BICRAL: variants seen among roughly 807,000 people sequenced by gnomAD.
The protein encoded by BICRAL is BRD4-interacting chromatin-remodeling complex-associated protein-like.
Under a neutral mutation model 91.8 loss-of-function variants are expected in BICRAL, and 8 were observed. That is an observed-to-expected ratio of 0.09 (90% CI 0.05 to 0.16). The LOEUF is 0.16. BICRAL is among the 10% of genes least tolerant of loss of function. The probability of loss-of-function intolerance (pLI) is 1.00; values close to 1 mark genes in which losing one functional copy is unlikely to be tolerated. For missense variants in BICRAL, 1,038 were observed against 1,310.9 expected (o/e 0.79, Z 3.21); for synonymous variants, 445 against 491.1 (o/e 0.91, Z 1.24).
Position 42,784,799 on chromosome 6 carries a change from T to C in BICRAL, c.-102+2698T>C, listed in dbSNP as rs530903995. ...TAACATCACCTCTTCCACCATCATT[T>C]GCTAGGGCCAACTGGGTCTTTTAAT... is the stretch of plus-strand genomic sequence containing the variant. On this transcript the variant is annotated intron_variant, in intron 1 of 12. Coordinates refer to ENST00000314073, the MANE Select transcript of BICRAL (RefSeq NM_001393499.1). 1.3e-4 allele frequency among the ~76,000 whole-genome samples: 20 copies of C among 152,340 alleles called. No homozygotes were observed. The South Asian group carries it at 4.1e-3, about 32-fold the overall frequency.
chr6:42,750,895 T>A (rs1562445739), intron 1 of BICRAL, among the ~76,000 whole-genome samples: 1 of 76,158 alleles, frequency 1.3e-5, no homozygotes, highest in Admixed American at 1.7e-4. Flanking sequence ...TTTTTTTTTT[T>A]TTTTTTTTTT....
At chr6:42,843,511 C>T (rs1764874203) in intron 6 of BICRAL, among the ~76,000 whole-genome samples, 3 of 151,966 alleles carry the variant, frequency 2.0e-5, no homozygotes, top group African/African-American at 4.8e-5. Flanking sequence ...GGAAAGATGA[C>T]GAGACATGAA....
At chr6:42,844,508 CAAAAAAAA>C (rs34115804) in intron 6 of BICRAL, among the ~76,000 whole-genome samples, 39 of 31,444 alleles carry the variant, frequency 1.2e-3, no homozygotes, top group Admixed American at 1.8e-3. Flanking sequence ...GACTCCATCT[CAAAAAAAA>C]AAAAAAAAAA....
At chr6:42,781,245 T>G (rs1762896347), upstream of BICRAL, among the ~76,000 whole-genome samples, 1 of 152,180 alleles carries the variant, frequency 6.6e-6, no homozygotes, top group Non-Finnish European at 1.5e-5. Flanking sequence ...GAGAAGGCAG[T>G]AGAAAATGAA....
intron 2 of BICRAL, chr6:42,821,016 A>G (rs1190198420): frequency 6.6e-6 from 1 of 152,250 alleles, no homozygotes; most frequent in Non-Finnish European, 1.5e-5. Flanking sequence ...AACATTTAGT[A>G]GAGACTGTCC....
chr6:42,758,108 CTCTCTCTG>C (rs1190723617), intron 1 of BICRAL, among the ~76,000 whole-genome samples: 1 of 152,094 alleles, frequency 6.6e-6, no homozygotes, highest in Non-Finnish European at 1.5e-5. Context: ...TCTCTGATCT[CTCTCTCTG>C]TCTCTCTGGC....
intron 1 of BICRAL, among the ~76,000 whole-genome samples, chr6:42,754,495 A>G (rs1762430490): frequency 1.3e-5 from 2 of 152,206 alleles, no homozygotes; most frequent in Admixed American, 1.3e-4. Context: ...GTCAACTCAT[A>G]GTAACAGATG....
intron 1 of BICRAL, among the ~76,000 whole-genome samples, chr6:42,805,592 T>C (rs1763682161): frequency 6.6e-6 from 1 of 152,000 alleles, no homozygotes; most frequent in African/African-American, 2.4e-5. Context: ...ATTTCCTGAG[T>C]TCCTATTATG....
At position 42,829,864 on chromosome 6, in the gene BICRAL, C is replaced by A. The variant is rs1764421964; in HGVS notation, c.1531C>A (p.Leu511Met). 6.2e-7 allele frequency: 1 copy of A among 1,614,232 alleles called. No homozygotes were observed. Among genetic ancestry groups the A allele is most frequent in the East Asian group, 2.2e-5 (1 of 44,868 alleles). ...LQQASPTVLH[L>M]SPGQSSVSQG... ...GCAGGCATCCCCAACTGTATTACACCTGTCACCTGGGCAGAGCAGCGTTTC... is the reference window on the plus strand; with the variant it reads ...GCAGGCATCCCCAACTGTATTACACATGTCACCTGGGCAGAGCAGCGTTTC... Residue 511 changes from leucine to methionine, a missense_variant, in exon 6 of 13, where the codon CTG becomes ATG. Coordinates refer to ENST00000314073, the MANE Select transcript of BICRAL (RefSeq NM_001393499.1).
At chr6:42,836,103 A>C (rs1219776159) in intron 6 of BICRAL, among the ~76,000 whole-genome samples, 2 of 152,194 alleles carry the variant, frequency 1.3e-5, no homozygotes, top group East Asian at 3.8e-4. Flanking sequence ...TGCATAGACA[A>C]GCACGCACAG....
chr6:42,840,216 CTTTTTTGTTTGT>C lies in BICRAL; in HGVS notation c.1839+10047_1839+10058del, dbSNP rs1348603686. Among the ~76,000 whole-genome samples the C allele has an allele frequency of 7.1e-5, 10 of 140,274 alleles. No individual in the cohort carries two copies. The South Asian group carries it at 2.3e-3, about 33-fold the overall frequency. 92.0% of individuals were successfully genotyped at this position (140,274 alleles called of 152,430 possible). Reference sequence around the variant, plus strand: ...TCAGACAAATCTCTTTATTTTTGTTCTTTTTTGTTTGTTTGTTTGTTTGTTTGTTTGTTTGTT... The same window carrying C: ...TCAGACAAATCTCTTTATTTTTGTTCTTGTTTGTTTGTTTGTTTGTTTGTT... On this transcript the variant is annotated intron_variant, in intron 6 of 12. Coordinates refer to ENST00000314073, the MANE Select transcript of BICRAL (RefSeq NM_001393499.1).
intron 6 of BICRAL, among the ~76,000 whole-genome samples, chr6:42,837,820 G>A (rs1012062188): frequency 6.6e-6 from 1 of 151,706 alleles, no homozygotes; most frequent in Admixed American, 6.6e-5. Context: ...TTCCCTCCTC[G>A]TCTCGTTGCC....
At chr6:42,794,576 G>A (rs951838421) in intron 1 of BICRAL, among the ~76,000 whole-genome samples, 2 of 151,904 alleles carry the variant, frequency 1.3e-5, no homozygotes, top group African/African-American at 2.4e-5. Context: ...TATTTTATAA[G>A]TACTAATATA....
Position 42,753,204 on chromosome 6 carries a change from G to A in BICRAL, c.-261+6181G>A, listed in dbSNP as rs992615161. On this transcript the variant is annotated intron_variant, in intron 1 of 14. Transcript: ENST00000614467. ...ACCCTCCCAAGGTGCTAGGATTACAGGCATGAGCCACCATGCCTGGCCTGA... is the reference window on the plus strand; with the variant it reads ...ACCCTCCCAAGGTGCTAGGATTACAAGCATGAGCCACCATGCCTGGCCTGA... Among the ~76,000 whole-genome samples, 42 of 152,106 alleles carry A rather than the reference G, an allele frequency of 2.8e-4. 2 individuals carry two copies.
At chr6:42,826,091 A>G (rs574604811) in intron 5 of BICRAL, among the ~76,000 whole-genome samples, 2 of 152,142 alleles carry the variant, frequency 1.3e-5, no homozygotes, top group African/African-American at 4.8e-5. Context: ...TCTCAGGGGA[A>G]AAAAGAAAAA....
intron 6 of BICRAL, among the ~76,000 whole-genome samples, chr6:42,843,481 A>AG (rs1351913118): frequency 1.3e-5 from 2 of 152,200 alleles, no homozygotes; most frequent in African/African-American, 2.4e-5. Flanking sequence ...AGCATGAAGT[A>AG]GACCTACACT....
At chr6:42,827,128 T>A (rs548705005) in intron 5 of BICRAL, among the ~76,000 whole-genome samples, 1 of 152,284 alleles carries the variant, frequency 6.6e-6, no homozygotes, top group Non-Finnish European at 1.5e-5. Flanking sequence ...TGGAATTACC[T>A]CAGAGGGTGG....
At chr6:42,807,084 G>C (rs1418634580) in intron 1 of BICRAL, among the ~76,000 whole-genome samples, 1 of 152,060 alleles carries the variant, frequency 6.6e-6, no homozygotes, top group Non-Finnish European at 1.5e-5. Flanking sequence ...ACCCGCCTCG[G>C]CCTCCCAAAG....
At chr6:42,813,365 AAAAG>A (rs1763891641) in intron 2 of BICRAL, among the ~76,000 whole-genome samples, 1 of 152,216 alleles carries the variant, frequency 6.6e-6, no homozygotes, top group South Asian at 2.1e-4. Context: ...CATTATGAAA[AAAAG>A]AAAGGTAAGA....
Sources: allele counts gnomAD v4.1 joint callset (sites outside exome capture counted in the v4.1 genomes callset), GRCh38; gene constraint gnomAD v4.1.1; transcripts MANE v1.5; gene names NCBI Gene and HGNC (gene_info 2026-07-23, HGNC 2026-07-21).